DLGAP2: variants seen among roughly 807,000 people sequenced by gnomAD.
DLGAP2 encodes the protein DLG associated protein 2.
DLGAP2 carries 26 observed loss-of-function variants against 100.3 expected under a neutral mutation model. The observed-to-expected ratio is 0.26, with a 90% confidence interval of 0.19 to 0.36. DLGAP2 has a LOEUF of 0.36. Among genes scored for constraint, DLGAP2 ranks in the 10% least tolerant of loss-of-function variants. The probability of loss-of-function intolerance (pLI) is 1.00; values close to 1 mark genes in which losing one functional copy is unlikely to be tolerated. For missense variants in DLGAP2, 1,858 were observed against 1,453.2 expected (o/e 1.28, Z -4.53); for synonymous variants, 886 against 630.1 (o/e 1.41, Z -6.08).
intron 6 of DLGAP2, among the ~76,000 whole-genome samples, chr8:1,567,578 A>G (rs1031038623): frequency 6.6e-6 from 1 of 152,110 alleles, no homozygotes; most frequent in Non-Finnish European, 1.5e-5. Context: ...ATTCACCATC[A>G]CTGCCACGGG....
intron 3 of DLGAP2, among the ~76,000 whole-genome samples, chr8:1,469,651 A>G (rs572332802): frequency 1.1e-4 from 17 of 152,244 alleles, no homozygotes; most frequent in African/African-American, 3.1e-4. Context: ...GCCTCACCCC[A>G]AGATGATTCT....
intron 2 of DLGAP2, among the ~76,000 whole-genome samples, chr8:1,004,736 G>T (rs1339677990): frequency 6.6e-6 from 1 of 152,206 alleles, no homozygotes; most frequent in Non-Finnish European, 1.5e-5. Context: ...TGGGAGGTCG[G>T]CTTCACACCA....
chr8:848,798 C>T (rs1280325899), intron 1 of DLGAP2, among the ~76,000 whole-genome samples: 2 of 147,666 alleles, frequency 1.4e-5, no homozygotes, highest in African/African-American at 5.0e-5. Flanking sequence ...GGTGCGTGTT[C>T]CAGTGTAGGA....
chr8:849,135 A>G (rs2055512), intron 1 of DLGAP2, among the ~76,000 whole-genome samples: 20,834 of 148,282 alleles, frequency 0.14, 2,036 homozygotes, highest in East Asian at 0.53. Context: ...GTATAGGATC[A>G]TGTGATGTGT....
intron 2 of DLGAP2, among the ~76,000 whole-genome samples, chr8:1,040,140 C>CCGTTCAGAAGAGGTGCATATGA (rs1563159350): frequency 7.0e-6 from 1 of 142,466 alleles, no homozygotes. Context: ...GTGGTCAGCT[C>CCGTTCAGAAGAGGTGCATATGA]GCTGCACGTG....
chr8:1,194,403 G>A (rs74332740), intron 2 of DLGAP2, among the ~76,000 whole-genome samples: 2 of 152,102 alleles, frequency 1.3e-5, no homozygotes, highest in Admixed American at 6.5e-5. Flanking sequence ...CATGCTCACC[G>A]TGTCTAGGCA....
At chr8:938,814 C>T (rs1584905841) in intron 2 of DLGAP2, among the ~76,000 whole-genome samples, 1 of 152,160 alleles carries the variant, frequency 6.6e-6, no homozygotes, top group Non-Finnish European at 1.5e-5. Context: ...ACCCAGGTCT[C>T]GGCTCTCATT....
At position 737,745 on chromosome 8, in the gene DLGAP2, C is replaced by A. The variant is rs934079180; in HGVS notation, c.-63C>A. The A allele has an allele frequency of 8.0e-6, 3 of 376,222 alleles. No individual in the cohort carries two copies. Among genetic ancestry groups the A allele is most frequent in the Non-Finnish European group, 1.4e-5 (3 of 211,344 alleles). The allele number at this position is 376,222 out of a possible 1,614,324, so 23.3% of individuals were successfully genotyped here. On this transcript the variant is annotated 5_prime_UTR_variant, in exon 1 of 15. Transcript: ENST00000637795. ...CCAACCCGCGAGCCCCGGGAGCCGT[C>A]GGTCTGAGGAGGGGCCGCTTCGCCA...
At chr8:1,011,644 G>T (rs1319853429) in intron 2 of DLGAP2, among the ~76,000 whole-genome samples, 1 of 148,630 alleles carries the variant, frequency 6.7e-6, no homozygotes, top group Non-Finnish European at 1.5e-5. Flanking sequence ...AGGGGTCTCA[G>T]TCTGCACAGT....
At chr8:1,302,279 C>A (rs926760147) in intron 3 of DLGAP2, 2 of 129,326 alleles carry the variant, frequency 1.5e-5, no homozygotes, top group Non-Finnish European at 3.2e-5. Flanking sequence ...GAGCTCTGCT[C>A]CACACCTGGG....
intron 3 of DLGAP2, among the ~76,000 whole-genome samples, chr8:1,443,846 A>T (rs1182686478): frequency 6.6e-6 from 1 of 152,194 alleles, no homozygotes; most frequent in Non-Finnish European, 1.5e-5. Flanking sequence ...GGACACAGCC[A>T]AACCATGTCT....
chr8:1,352,453 G>A (rs1158678053), intron 3 of DLGAP2, among the ~76,000 whole-genome samples: 4 of 152,088 alleles, frequency 2.6e-5, no homozygotes, highest in South Asian at 2.1e-4. Flanking sequence ...TGGGGTCACC[G>A]CTGGGTCTCA....
chr8:1,050,060 A>G (rs1392222302), intron 2 of DLGAP2, among the ~76,000 whole-genome samples: 1 of 152,136 alleles, frequency 6.6e-6, no homozygotes, highest in Non-Finnish European at 1.5e-5. Flanking sequence ...ACACATGTAC[A>G]TACGTGTACA....
At chr8:1,055,496 T>C (rs1365955211) in intron 2 of DLGAP2, among the ~76,000 whole-genome samples, 1 of 152,258 alleles carries the variant, frequency 6.6e-6, no homozygotes, top group Non-Finnish European at 1.5e-5. Flanking sequence ...AATATTTTTC[T>C]ACTTAAAGTC....
At chr8:1,358,859 G>A (rs907236823) in intron 3 of DLGAP2, among the ~76,000 whole-genome samples, 13 of 152,104 alleles carry the variant, frequency 8.5e-5, no homozygotes, top group Non-Finnish European at 1.5e-4. Flanking sequence ...GCGGCAGGGC[G>A]TGGGCTGTCT....
chr8:943,198 G>A (rs1414663689), intron 2 of DLGAP2, among the ~76,000 whole-genome samples: 3 of 152,196 alleles, frequency 2.0e-5, no homozygotes, highest in African/African-American at 7.2e-5. Flanking sequence ...ATGTTTACCA[G>A]TTGAGTGCTC....
intron 2 of DLGAP2, among the ~76,000 whole-genome samples, chr8:1,255,433 C>G (rs887689223): frequency 7.0e-6 from 1 of 143,396 alleles, no homozygotes; most frequent in African/African-American, 2.6e-5. Context: ...GTGTCCTCAT[C>G]CTGCCCGAGC....
chr8:1,130,518 G>A (rs569583370), intron 2 of DLGAP2, among the ~76,000 whole-genome samples: 2 of 152,282 alleles, frequency 1.3e-5, no homozygotes, highest in South Asian at 4.1e-4. Flanking sequence ...GGCTCAATTA[G>A]GTGACTCATG....
At chr8:1,385,928 C>T (rs564244915) in intron 3 of DLGAP2, among the ~76,000 whole-genome samples, 22 of 152,266 alleles carry the variant, frequency 1.4e-4, no homozygotes, top group African/African-American at 2.9e-4. Flanking sequence ...CCGGGAGCCA[C>T]GACAACCTAG....
Sources: gnomAD v4.1 joint callset for allele counts (sites outside exome capture counted in the v4.1 genomes callset) on GRCh38, gnomAD v4.1.1 for gene constraint, MANE v1.5 for transcripts, NCBI Gene and HGNC (gene_info 2026-07-23, HGNC 2026-07-21) for gene names.